Variants in DCAF1 observed in about 807,000 individuals in gnomAD.
The protein encoded by DCAF1 is DDB1 and CUL4 associated factor 1, also known as DDB1- and CUL4-associated factor 1.
DCAF1 carries 15 observed loss-of-function variants against 128.0 expected under a neutral mutation model. That is an observed-to-expected ratio of 0.12 (90% CI 0.08 to 0.18). The LOEUF (loss-of-function observed/expected upper bound fraction) is 0.18. Ranked by LOEUF, DCAF1 falls within the 10% of genes least tolerant of loss-of-function variation. The pLI, the probability that DCAF1 is intolerant of heterozygous loss-of-function variation, is 1.00. For synonymous variants in DCAF1, 610 were observed against 603.0 expected (o/e 1.01, Z -0.17); for missense variants, 988 against 1,649.5 (o/e 0.60, Z 6.95).
chr3:51,499,987 C>G lies in DCAF1; in HGVS notation c.-170G>C, dbSNP rs1577355331. On this transcript the variant is annotated 5_prime_UTR_variant, in exon 1 of 25. Coordinates refer to ENST00000684031, the MANE Select transcript of DCAF1 (RefSeq NM_001387579.1). The stretch of plus-strand genomic sequence containing the variant: ...CCACTCACACACACACACAGCGCGA[C>G]CACGGCTCCACAGCGGCCCACATAT... 1 of 150,714 alleles carries G rather than the reference C, an allele frequency of 6.6e-6. No homozygotes were observed. The highest frequency in any genetic ancestry group is 2.1e-4 in the South Asian group (1 of 4,764). The allele number at this position is 150,714 out of a possible 1,614,324, so 9.3% of individuals were successfully genotyped here.
chr3:51,415,795 A>G (rs1488590324), intron 18 of DCAF1, among the ~76,000 whole-genome samples: 1 of 151,902 alleles, frequency 6.6e-6, no homozygotes, highest in Non-Finnish European at 1.5e-5. Context: ...GAGTCTCTCT[A>G]TGTTGCCCAG....
intron 3 of DCAF1, 125 bp downstream of exon 3, chr3:51,483,591 GCTT>G (rs1357924368): frequency 2.1e-5 from 13 of 633,750 alleles, no homozygotes; most frequent in East Asian, 5.4e-5. Flanking sequence ...ACCAATTTTT[GCTT>G]CTTTTTAAAC....
intron 6 of DCAF1, among the ~76,000 whole-genome samples, chr3:51,446,503 C>T (rs1701867193): frequency 2.0e-5 from 3 of 151,990 alleles, no homozygotes; most frequent in Admixed American, 2.0e-4. Context: ...TGGTGGTGGA[C>T]TCCTATAGTT....
chr3:51,406,794 CCCACCTCACCA>C (rs2090147024), intron 23 of DCAF1, among the ~76,000 whole-genome samples: 1 of 152,148 alleles, frequency 6.6e-6, no homozygotes, highest in East Asian at 1.9e-4. Flanking sequence ...TTTTCTCATC[CCCACCTCACCA>C]CCACCTTCAC....
chr3:51,424,907 A>G (rs936285426), intron 13 of DCAF1, among the ~76,000 whole-genome samples: 2 of 152,224 alleles, frequency 1.3e-5, no homozygotes, highest in African/African-American at 2.4e-5. Flanking sequence ...AACTGAGCCA[A>G]AAGCAAATAC....
intron 6 of DCAF1, among the ~76,000 whole-genome samples, chr3:51,457,854 A>G (rs554194693): frequency 6.6e-6 from 1 of 152,296 alleles, no homozygotes; most frequent in East Asian, 1.9e-4. Context: ...TTCACAGACA[A>G]GCAAATGCTG....
chr3:51,429,890 GAA>G (rs112905156), intron 11 of DCAF1, 141 bp downstream of exon 11: 26 of 480,418 alleles, frequency 5.4e-5, no homozygotes, highest in South Asian at 1.7e-4. Flanking sequence ...TGAAGAAAGG[GAA>G]AAAAAAAAAA....
chr3:51,421,944 C>T (rs1173071070), intron 14 of DCAF1, among the ~76,000 whole-genome samples: 5 of 151,886 alleles, frequency 3.3e-5, no homozygotes, highest in South Asian at 2.1e-4. Flanking sequence ...TGCCTCAACC[C>T]ATTTTTCCCA....
intron 6 of DCAF1, among the ~76,000 whole-genome samples, chr3:51,447,919 C>G (rs530044696): frequency 6.6e-6 from 1 of 151,998 alleles, no homozygotes. Context: ...TGCATTCCAA[C>G]CTGGGCGACA....
chr3:51,441,314 T>C, intron 8 of DCAF1, 71 bp downstream of exon 8: 2 of 1,485,558 alleles, frequency 1.3e-6, no homozygotes, highest in Non-Finnish European at 1.8e-6. Flanking sequence ...TATAAAATAC[T>C]ACCATAAAAT....
At chr3:51,489,360 G>A (rs1285176473) in intron 2 of DCAF1, among the ~76,000 whole-genome samples, 3 of 152,104 alleles carry the variant, frequency 2.0e-5, no homozygotes, top group Admixed American at 6.6e-5. Context: ...TTGAATCGAA[G>A]AGGCAGACGT....
Position 51,416,836 on chromosome 3 carries a change from C to G in DCAF1, c.3554G>C (p.Ser1185Thr). ...GATGACCCGATCCTGGGAGTGCTTA[C>G]TGAACTCAACATAGTGATCTTCTGT... ...SFTEDHYVEF[S>T]KHSQDRVIGT... The change falls in exon 18 of 25, where the codon AGT becomes ACT. Residue 1185 changes from serine to threonine, a missense_variant. By Grantham distance (58) the Ser-to-Thr change is moderately conservative. Coordinates refer to ENST00000684031, the MANE Select transcript of DCAF1 (RefSeq NM_001387579.1). 1 of 1,611,516 alleles carries G rather than the reference C, an allele frequency of 6.2e-7. No individual in the cohort carries two copies. Among genetic ancestry groups the G allele is most frequent in the Non-Finnish European group, 8.5e-7 (1 of 1,178,796 alleles).
chr3:51,457,108 C>A (rs1703005243), intron 6 of DCAF1, among the ~76,000 whole-genome samples: 1 of 152,092 alleles, frequency 6.6e-6, no homozygotes, highest in Non-Finnish European at 1.5e-5. Context: ...GATGATCAAA[C>A]TACTCCGAGC....
intron 2 of DCAF1, among the ~76,000 whole-genome samples, chr3:51,484,775 C>T (rs184836307): frequency 1.3e-3 from 190 of 150,390 alleles, no homozygotes; most frequent in Admixed American, 2.8e-3. Flanking sequence ...CTCCACCTCT[C>T]GGGTTCAAGC....
intron 6 of DCAF1, among the ~76,000 whole-genome samples, chr3:51,446,270 G>C (rs1701842962): frequency 6.6e-6 from 1 of 152,032 alleles, no homozygotes; most frequent in Non-Finnish European, 1.5e-5. Context: ...AAAGAGCTGG[G>C]ATTACAGGTG....
In DCAF1 at chr3:51,420,265, G is replaced by C. The variant is rs1553632032; in HGVS notation, c.2705C>G (p.Thr902Ser). 1 of 1,614,034 alleles carries C rather than the reference G, an allele frequency of 6.2e-7. No individual in the cohort carries two copies. The highest frequency in any genetic ancestry group is 1.1e-5 in the South Asian group (1 of 91,088). ...AAASPVSLPRTPRIANGIATR... is the reference protein window; with the variant it reads ...AAASPVSLPRSPRIANGIATR... ...TGCAATGCCATTAGCGATACGAGGG[G>C]TTCGGGGTAGAGAGACAGGAGAAGC... Residue 902 changes from threonine (T) to serine (S), a missense_variant, in exon 15 of 25, where the codon ACC becomes AGC. Coordinates refer to ENST00000684031, the MANE Select transcript of DCAF1 (RefSeq NM_001387579.1). The surrounding 1 kb of genome is among the most constrained non-coding windows in gnomAD (Gnocchi z 6.5).
At chr3:51,403,467 A>G in intron 23 of DCAF1, 72 bp from the exon 24 acceptor site, 1 of 1,521,592 alleles carries the variant, frequency 6.6e-7, no homozygotes, top group Non-Finnish European at 8.8e-7. Context: ...TGGCGGGTCG[A>G]CCAAAGAGAC....
At chr3:51,480,491 C>G (rs1553652388) in intron 3 of DCAF1, among the ~76,000 whole-genome samples, 1 of 148,232 alleles carries the variant, frequency 6.7e-6, no homozygotes, top group Admixed American at 6.9e-5. Flanking sequence ...CCCAGCTACT[C>G]GGGAGGCTGA....
chr3:51,436,110 G>C (rs995225756), intron 9 of DCAF1, among the ~76,000 whole-genome samples: 9 of 152,104 alleles, frequency 5.9e-5, no homozygotes, highest in Admixed American at 1.3e-4. Context: ...TTAGTAACTT[G>C]ACTATACACC....
Sources: gnomAD v4.1 joint callset for allele counts (sites outside exome capture counted in the v4.1 genomes callset) on GRCh38, gnomAD v4.1.1 for gene constraint, Gnocchi (gnomAD v3.1) non-coding constraint, MANE v1.5 for transcripts, NCBI Gene and HGNC (gene_info 2026-07-23, HGNC 2026-07-21) for gene names.